Variants in HECW1 observed in about 807,000 individuals in gnomAD.
HECW1 encodes the protein E3 ubiquitin-protein ligase HECW1.
A neutral mutation model predicts 182.3 loss-of-function variants in HECW1; 61 were observed. That is an observed-to-expected ratio of 0.33 (90% confidence interval 0.27 to 0.41). HECW1 has a LOEUF of 0.41. HECW1 is among the 10% of genes least tolerant of loss of function. The probability of loss-of-function intolerance (pLI) is 1.00; values close to 1 mark genes in which losing one functional copy is unlikely to be tolerated. For missense variants in HECW1, 1,739 were observed against 2,108.9 expected, an observed-to-expected ratio of 0.82 and a Z score of 3.44; for synonymous variants, 859 against 832.6, an observed-to-expected ratio of 1.03 and a Z score of -0.55.
intron 6 of HECW1, among the ~76,000 whole-genome samples, chr7:43,384,114 T>G (rs1269163140): frequency 1.3e-5 from 2 of 152,194 alleles, no homozygotes; most frequent in Non-Finnish European, 2.9e-5. Flanking sequence ...TTCAAATATG[T>G]GTACTGAAAA....
chr7:43,225,176 T>A (rs1433823151), intron 2 of HECW1, among the ~76,000 whole-genome samples: 1 of 152,198 alleles, frequency 6.6e-6, no homozygotes, highest in Non-Finnish European at 1.5e-5. Context: ...AGATGGTGGC[T>A]GGACTGTTTT....
chr7:43,403,782 G>A (rs1005845020), intron 7 of HECW1, among the ~76,000 whole-genome samples: 1 of 152,028 alleles, frequency 6.6e-6, no homozygotes, highest in African/African-American at 2.4e-5. Context: ...GGAGGAATAA[G>A]GTTTGGCAAA....
chr7:43,313,339 ATT>A (rs3032878), intron 4 of HECW1, among the ~76,000 whole-genome samples: 32 of 142,696 alleles, frequency 2.2e-4, no homozygotes, highest in Non-Finnish European at 2.6e-4. Flanking sequence ...CCTAAAGAGC[ATT>A]TTTTTTTTTT....
intron 3 of HECW1, among the ~76,000 whole-genome samples, chr7:43,265,652 A>G (rs907744532): frequency 6.6e-6 from 1 of 152,202 alleles, no homozygotes; most frequent in African/African-American, 2.4e-5. Context: ...CCTGAGACCA[A>G]CTGGGTATCC....
intron 13 of HECW1, among the ~76,000 whole-genome samples, chr7:43,459,092 G>T (rs1474083061): frequency 1.3e-5 from 2 of 152,086 alleles, no homozygotes; most frequent in Non-Finnish European, 2.9e-5. Context: ...CCTCCCACCT[G>T]CCTCCCACCT....
At chr7:43,115,579 C>T (rs190227257) in intron 2 of HECW1, among the ~76,000 whole-genome samples, 6 of 152,280 alleles carry the variant, frequency 3.9e-5, no homozygotes, top group Admixed American at 1.3e-4. Context: ...AACTTGCTAG[C>T]GCTGTTGCTT....
rs74325076 is a variant in HECW1, at chr7:43,474,669, A to G, written c.3100-4941A>G. Among the ~76,000 whole-genome samples the G allele has an allele frequency of 1.9e-3, 292 of 152,320 alleles. 6 individuals carry two copies. The East Asian group carries it at 0.035, about 18-fold the overall frequency. On this transcript the variant is annotated intron_variant, in intron 16 of 29. Coordinates refer to ENST00000395891, the MANE Select transcript of HECW1 (RefSeq NM_015052.5). The stretch of plus-strand genomic sequence containing the variant: ...TATATCCATCAGTTTGACAGATTAA[A>G]TAGACAAAATAATTTGAGATTTAAA...
At chr7:43,318,515 G>A (rs1809631004) in intron 4 of HECW1, among the ~76,000 whole-genome samples, 1 of 152,222 alleles carries the variant, frequency 6.6e-6, no homozygotes, top group South Asian at 2.1e-4. Flanking sequence ...AGAAGGGGCA[G>A]CCTAAAATGT....
intron 6 of HECW1, among the ~76,000 whole-genome samples, chr7:43,366,903 C>T (rs529337585): frequency 3.9e-5 from 6 of 152,276 alleles, no homozygotes; most frequent in Admixed American, 1.3e-4. Context: ...CCCGGGAGAG[C>T]AGGCAGCCTT....
In HECW1 at chr7:43,488,430, G is replaced by GAA. The variant is rs1273806936; in HGVS notation, c.3235-3643_3235-3642dup. ...AAAGAAAGAGAGAGAGAGAAAGAAAGAAAGAGAAAGAAAGAAAGAAAGAAA... is the reference window on the plus strand; with the variant it reads ...AAAGAAAGAGAGAGAGAGAAAGAAAGAAAAAGAGAAAGAAAGAAAGAAAGAAA... On this transcript the variant is annotated intron_variant, in intron 17 of 29. Transcript: ENST00000395891. Among the ~76,000 whole-genome samples, 941 of 86,664 alleles carry GAA rather than the reference G, an allele frequency of 0.011. 121 individuals carry two copies. The East Asian group carries it at 0.19, about 18-fold the overall frequency. The allele number at this position is 86,664 out of a possible 152,430, so 56.9% of individuals were successfully genotyped here.
At chr7:43,244,318 G>A (rs1472924471) in intron 3 of HECW1, among the ~76,000 whole-genome samples, 1 of 152,196 alleles carries the variant, frequency 6.6e-6, no homozygotes, top group East Asian at 1.9e-4. Flanking sequence ...CTTGAGACAA[G>A]AGCAACAGCT....
At chr7:43,303,601 A>G (rs1357778586) in intron 3 of HECW1, among the ~76,000 whole-genome samples, 2 of 152,028 alleles carry the variant, frequency 1.3e-5, no homozygotes, top group Non-Finnish European at 2.9e-5. Context: ...GTGGGATTTT[A>G]TTTCTTTTTC....
At position 43,203,136 on chromosome 7, in the gene HECW1, C is replaced by T. The variant is rs185557357; in HGVS notation, c.-31-40739C>T. ...TGCCTGCCTCGACTTCCCAAAGTGCCGGGATTACAAGGGTGAGCCACCATG... is the reference window on the plus strand; with the variant it reads ...TGCCTGCCTCGACTTCCCAAAGTGCTGGGATTACAAGGGTGAGCCACCATG... On this transcript the variant is annotated intron_variant, in intron 2 of 29. Transcript: ENST00000395891. Among the ~76,000 whole-genome samples, 28 of 152,172 alleles carry T rather than the reference C, an allele frequency of 1.8e-4. No homozygotes were observed. In the East Asian group the frequency reaches 1.9e-3, roughly 11 times the overall value.
chr7:43,419,080 TG>T (rs1341768131), intron 8 of HECW1, among the ~76,000 whole-genome samples: 1 of 152,216 alleles, frequency 6.6e-6, no homozygotes, highest in African/African-American at 2.4e-5. Flanking sequence ...AAACTTGGGC[TG>T]AGCTTCTATA....
chr7:43,270,137 A>G (rs1802232312), intron 3 of HECW1, among the ~76,000 whole-genome samples: 1 of 152,204 alleles, frequency 6.6e-6, no homozygotes, highest in African/African-American at 2.4e-5. Flanking sequence ...TTAATAATAA[A>G]CCATAACAAA....
At chr7:43,116,030 A>G (rs1161725698) in intron 2 of HECW1, among the ~76,000 whole-genome samples, 3 of 152,186 alleles carry the variant, frequency 2.0e-5, no homozygotes, top group Admixed American at 6.5e-5. Context: ...GGTCATAAAA[A>G]TGCCCTCTAA....
At chr7:43,560,276 G>A (rs2082167317) in intron 29 of HECW1, among the ~76,000 whole-genome samples, 1 of 152,134 alleles carries the variant, frequency 6.6e-6, no homozygotes, top group South Asian at 2.1e-4. Flanking sequence ...TTACATCTAG[G>A]TAAAGTATTT....
chr7:43,433,664 G>C (rs2076620188), intron 8 of HECW1, among the ~76,000 whole-genome samples: 1 of 152,216 alleles, frequency 6.6e-6, no homozygotes, highest in Non-Finnish European at 1.5e-5. Flanking sequence ...AGTTGAAAAG[G>C]CCTGACAGTT....
At chr7:43,538,608 G>C (rs907077327) in intron 24 of HECW1, among the ~76,000 whole-genome samples, 2 of 152,148 alleles carry the variant, frequency 1.3e-5, no homozygotes, top group South Asian at 2.1e-4. Flanking sequence ...GAAAAGGCCT[G>C]GTCTGGTGTC....
Sources: allele counts gnomAD v4.1 joint callset (sites outside exome capture counted in the v4.1 genomes callset), GRCh38; gene constraint gnomAD v4.1.1; transcripts MANE v1.5; gene names NCBI Gene and HGNC (gene_info 2026-07-23, HGNC 2026-07-21).